Variants in FBXL17 observed in about 807,000 individuals in gnomAD.
FBXL17 encodes F-box and leucine rich repeat protein 17.
FBXL17 carries 22 observed loss-of-function variants against 66.2 expected under a neutral mutation model. That is an observed-to-expected ratio of 0.33 (90% confidence interval 0.24 to 0.47). The LOEUF is 0.47. Ranked by LOEUF, FBXL17 falls within the 20% of genes least tolerant of loss-of-function variation. The pLI is 1.00. For missense variants in FBXL17, 878 were observed against 948.2 expected, an observed-to-expected ratio of 0.93 and a Z score of 0.97; for synonymous variants, 474 against 400.5, an observed-to-expected ratio of 1.18 and a Z score of -2.19.
intron 6 of FBXL17, among the ~76,000 whole-genome samples, chr5:108,049,327 T>C (rs1747383792): frequency 6.6e-6 from 1 of 151,786 alleles, no homozygotes; most frequent in Non-Finnish European, 1.5e-5. Context: ...TTTTTTAATC[T>C]TTAGTACAGA....
Position 107,862,954 on chromosome 5 carries a change from A to G in FBXL17, c.1966-1094T>C, listed in dbSNP as rs1748168031. ...TATGTTATCTGTTAATTCTTTTTAC[A>G]TTATTGAGAGTTGATATTTCAACAT... On this transcript the variant is annotated intron_variant, in intron 8 of 8. Transcript: ENST00000542267. Among the ~76,000 whole-genome samples, 4 of 151,434 alleles carry G rather than the reference A, an allele frequency of 2.6e-5. No individual in the cohort carries two copies. The South Asian group carries it at 6.3e-4, about 24-fold the overall frequency.
chr5:108,063,275 G>A (rs1300083261), intron 6 of FBXL17, among the ~76,000 whole-genome samples: 1 of 152,202 alleles, frequency 6.6e-6, no homozygotes, highest in Non-Finnish European at 1.5e-5. Flanking sequence ...AAATGACAGT[G>A]GCAGTCTTAT....
intron 4 of FBXL17, among the ~76,000 whole-genome samples, chr5:108,228,769 A>C (rs1254993778): frequency 1.3e-5 from 2 of 152,196 alleles, no homozygotes; most frequent in Admixed American, 6.5e-5. Context: ...GATCCTGATC[A>C]TAATTTGGGG....
chr5:108,150,874 C>T (rs2149995845), intron 6 of FBXL17, among the ~76,000 whole-genome samples: 1 of 152,282 alleles, frequency 6.6e-6, no homozygotes, highest in East Asian at 1.9e-4. Context: ...CTTTGCCCTA[C>T]ATAATTAATA....
intron 1 of FBXL17, among the ~76,000 whole-genome samples, chr5:108,374,198 G>C (rs1360746537): frequency 5.9e-5 from 9 of 152,108 alleles, no homozygotes; most frequent in Non-Finnish European, 1.2e-4. Context: ...ACTTAAACAT[G>C]GCCTATCAGA....
At chr5:108,248,573 G>A (rs1465577192) in intron 4 of FBXL17, among the ~76,000 whole-genome samples, 1 of 151,998 alleles carries the variant, frequency 6.6e-6, no homozygotes, top group East Asian at 1.9e-4. Flanking sequence ...CCCAAATTTG[G>A]TAAAAGACAT....
chr5:107,863,172 C>T (rs891364624), intron 8 of FBXL17, among the ~76,000 whole-genome samples: 8 of 151,366 alleles, frequency 5.3e-5, no homozygotes, highest in East Asian at 1.9e-4. Flanking sequence ...ATACACATAT[C>T]GGAGTTGAAA....
chr5:107,880,154 G>C (rs1470162538), intron 8 of FBXL17: 1 of 195,738 alleles, frequency 5.1e-6, no homozygotes, highest in African/African-American at 2.4e-5. Flanking sequence ...TGCAACCTCG[G>C]CCTCTTGAGC....
intron 4 of FBXL17, among the ~76,000 whole-genome samples, chr5:108,242,348 GTTTGTTGTTGTT>G (rs1755892655): frequency 8.6e-6 from 1 of 116,920 alleles, no homozygotes; most frequent in African/African-American, 3.3e-5. Context: ...TGCCTGGCTA[GTTTGTTGTTGTT>G]GTTGTTGTTG....
chr5:108,226,077 A>C (rs1186927661), intron 4 of FBXL17, among the ~76,000 whole-genome samples: 1 of 152,018 alleles, frequency 6.6e-6, no homozygotes. Flanking sequence ...TCTGTGTCTC[A>C]CCACACTTTG....
chr5:107,879,173 C>A, intron 8 of FBXL17: 2 of 985,436 alleles, frequency 2.0e-6, no homozygotes, highest in South Asian at 4.7e-5. Flanking sequence ...TGGAGCTGAT[C>A]TTAACCATCT....
chr5:108,084,100 A>G (rs1370054785), intron 6 of FBXL17, among the ~76,000 whole-genome samples: 1 of 152,194 alleles, frequency 6.6e-6, no homozygotes, highest in Non-Finnish European at 1.5e-5. Context: ...ATCAGTAAAA[A>G]CTAACACTGA....
At chr5:108,093,679 T>C (rs1011882725) in intron 6 of FBXL17, among the ~76,000 whole-genome samples, 3 of 152,208 alleles carry the variant, frequency 2.0e-5, no homozygotes, top group Non-Finnish European at 2.9e-5. Context: ...GATTTAGTCA[T>C]TTTATTGCAT....
In FBXL17 at chr5:108,364,831, G is replaced by A. The variant is rs1418513142; in HGVS notation, c.1281C>T (p.Asp427=). ...GAGAGGCAACCGCAATAATAGAGGT[G>A]TCAGAAAGCTGTTTACACCTGTAGG... is the stretch of plus-strand genomic sequence containing the variant. ...YTAYRCKQLS[D]TSIIAVASHC... is the part of the protein sequence containing the mutation. Residue 427 remains aspartate (D), a synonymous_variant, in exon 3 of 9, where the codon GAC becomes GAT. Transcript: ENST00000542267. The A allele has an allele frequency of 1.2e-6, 2 of 1,613,000 alleles. No homozygotes were observed. Among genetic ancestry groups the A allele is most frequent in the African/African-American group, 1.3e-5 (1 of 74,966 alleles).
At chr5:108,016,056 G>C (rs776338051) in intron 7 of FBXL17, among the ~76,000 whole-genome samples, 12 of 152,154 alleles carry the variant, frequency 7.9e-5, no homozygotes, top group Non-Finnish European at 1.5e-4. Context: ...TTTTTTGACA[G>C]AATATTATGT....
intron 6 of FBXL17, among the ~76,000 whole-genome samples, chr5:108,182,524 A>G (rs529064142): frequency 4.6e-5 from 7 of 152,214 alleles, no homozygotes; most frequent in African/African-American, 1.2e-4. Context: ...ATTAAAACCT[A>G]AAAGAGCTTG....
chr5:107,945,414 A>G (rs1287887112), intron 7 of FBXL17, among the ~76,000 whole-genome samples: 1 of 152,166 alleles, frequency 6.6e-6, no homozygotes, highest in Non-Finnish European at 1.5e-5. Flanking sequence ...GAAGATACAC[A>G]AGGATATTCA....
Position 108,381,922 on chromosome 5 carries a change from C to T in FBXL17, c.-231G>A. 1 of 1,255,446 alleles carries T rather than the reference C, an allele frequency of 8.0e-7. No homozygotes were observed. Among genetic ancestry groups the T allele is most frequent in the Non-Finnish European group, 1.0e-6 (1 of 999,780 alleles). 77.8% of individuals were successfully genotyped at this position (1,255,446 alleles called of 1,614,324 possible). ...GCTTTGCCCAGGGAAGCCGGGAGAA[C>T]GATGGGCGCGAGCTTTGGGGACGCG... is the stretch of plus-strand genomic sequence containing the variant. On this transcript the variant is annotated 5_prime_UTR_variant, in exon 1 of 9. Transcript: ENST00000542267.
chr5:108,184,618 C>T (rs1351394532), intron 6 of FBXL17, among the ~76,000 whole-genome samples: 1 of 151,744 alleles, frequency 6.6e-6, no homozygotes, highest in Admixed American at 6.6e-5. Context: ...GTGGTGCACA[C>T]TTGTAATCCC....
Sources: allele counts gnomAD v4.1 joint callset (sites outside exome capture counted in the v4.1 genomes callset), GRCh38; gene constraint gnomAD v4.1.1; transcripts MANE v1.5; gene names NCBI Gene and HGNC (gene_info 2026-07-23, HGNC 2026-07-21).